The following MYRFL variants were observed in gnomAD, a reference collection of about 807,000 sequenced individuals.
MYRFL encodes the protein myelin regulatory factor-like protein.
MYRFL carries 88 observed loss-of-function variants against 109.4 expected under a neutral mutation model. That is an observed-to-expected ratio of 0.80 (90% confidence interval 0.68 to 0.96). The LOEUF (loss-of-function observed/expected upper bound fraction) is 0.96. Ranked by LOEUF, MYRFL falls within the 40% of genes least tolerant of loss-of-function variation. The pLI is 0.00. For missense variants in MYRFL, 957 were observed against 954.9 expected, an observed-to-expected ratio of 1.00 and a Z score of -0.03; for synonymous variants, 324 against 320.9, an observed-to-expected ratio of 1.01 and a Z score of -0.10.
intron 19 of MYRFL, among the ~76,000 whole-genome samples, chr12:69,948,400 G>C (rs11177989): frequency 0.24 from 36,917 of 152,010 alleles, 5,170 homozygotes; most frequent in East Asian, 0.48. Context: ...ATGTCTCCAG[G>C]ACCTGAAAAC....
intron 1 of MYRFL, among the ~76,000 whole-genome samples, chr12:69,828,708 C>T (rs549926922): frequency 2.0e-5 from 3 of 152,184 alleles, no homozygotes; most frequent in African/African-American, 7.2e-5. Context: ...TTACAACAAC[C>T]TTCTGGATGA....
At chr12:69,908,441 G>C (rs1034380428) in intron 11 of MYRFL, among the ~76,000 whole-genome samples, 3 of 152,188 alleles carry the variant, frequency 2.0e-5, no homozygotes, top group Non-Finnish European at 2.9e-5. Context: ...GAAGGGGAAG[G>C]CAGGGGAATG....
At chr12:69,946,792 G>A (rs1955850445) in intron 19 of MYRFL, 1 of 152,212 alleles carries the variant, frequency 6.6e-6, no homozygotes, top group Non-Finnish European at 1.5e-5. Context: ...CCTCAGTTGA[G>A]TTTCTAGAAA....
intron 19 of MYRFL, among the ~76,000 whole-genome samples, chr12:69,945,727 C>T (rs1256469105): frequency 3.3e-5 from 5 of 151,924 alleles, no homozygotes; most frequent in South Asian, 2.1e-4. Flanking sequence ...GTGGCTCACG[C>T]CTGTAATCCC....
chr12:69,849,553 G>A (rs1011078155), intron 1 of MYRFL, among the ~76,000 whole-genome samples: 1 of 152,172 alleles, frequency 6.6e-6, no homozygotes, highest in African/African-American at 2.4e-5. Flanking sequence ...TCACAATTGT[G>A]AAAATGGTAG....
At chr12:69,878,768 GC>G (rs1258822291) in intron 2 of MYRFL, among the ~76,000 whole-genome samples, 4 of 152,096 alleles carry the variant, frequency 2.6e-5, no homozygotes, top group Non-Finnish European at 5.9e-5. Context: ...GGAAATGGAG[GC>G]CTGGAGAGGT....
chr12:69,860,331 T>C (rs1443014292), intron 2 of MYRFL, among the ~76,000 whole-genome samples: 1 of 152,234 alleles, frequency 6.6e-6, no homozygotes, highest in Non-Finnish European at 1.5e-5. Context: ...TACCACACTT[T>C]CTTTATCCAT....
In MYRFL at chr12:69,851,138, C is replaced by T. The variant is rs1224097163; in HGVS notation, c.47-4142C>T. On this transcript the variant is annotated intron_variant, in intron 1 of 24. Transcript: ENST00000552032. The stretch of plus-strand genomic sequence containing the variant: ...AGGCAAACTAAAACTGAGGGACATC[C>T]TATAAACAACTAGCCTGTACTTTTT... Among the ~76,000 whole-genome samples the T allele has an allele frequency of 2.0e-5, 3 of 152,116 alleles. 1 individual carries two copies. Among genetic ancestry groups the T allele is most frequent in the South Asian group, 4.1e-4 (2 of 4,828 alleles).
intron 19 of MYRFL, among the ~76,000 whole-genome samples, chr12:69,941,992 C>T (rs1385613584): frequency 0.014 from 1,990 of 145,770 alleles, 29 homozygotes; most frequent in African/African-American, 0.052. Flanking sequence ...CAGGAAGAAG[C>T]TGAATCTCTG....
chr12:69,885,866 A>G (rs1886415757), intron 5 of MYRFL, among the ~76,000 whole-genome samples: 2 of 152,112 alleles, frequency 1.3e-5, no homozygotes, highest in Non-Finnish European at 2.9e-5. Flanking sequence ...CACTTCCATT[A>G]TGTCATTCTC....
intron 1 of MYRFL, among the ~76,000 whole-genome samples, chr12:69,851,564 A>T (rs1883876945): frequency 6.6e-6 from 1 of 152,238 alleles, no homozygotes; most frequent in Non-Finnish European, 1.5e-5. Flanking sequence ...AAGCTGGCAG[A>T]CAGTACTTTA....
At chr12:69,866,617 A>G (rs143087662) in intron 2 of MYRFL, among the ~76,000 whole-genome samples, 1 of 152,144 alleles carries the variant, frequency 6.6e-6, no homozygotes, top group Non-Finnish European at 1.5e-5. Context: ...CCCCTCTACC[A>G]TATTGCCTAC....
chr12:69,830,351 C>T (rs1263393441), intron 1 of MYRFL, among the ~76,000 whole-genome samples: 5 of 150,454 alleles, frequency 3.3e-5, no homozygotes, highest in African/African-American at 1.2e-4. Flanking sequence ...TTTGAAAGAG[C>T]TTTTATTTCT....
chr12:69,897,046 A>G, intron 9 of MYRFL, 110 bp from the exon 10 acceptor site: 1 of 763,516 alleles, frequency 1.3e-6, no homozygotes, highest in Non-Finnish European at 2.2e-6. Context: ...TTAAATAAGC[A>G]AACTCTTCTC....
chr12:69,877,712 T>G (rs1249521211), intron 2 of MYRFL, among the ~76,000 whole-genome samples: 3 of 152,176 alleles, frequency 2.0e-5, no homozygotes, highest in African/African-American at 7.2e-5. Context: ...AAAGAACTAA[T>G]TTGAGGAGAA....
At chr12:69,880,022 T>C (rs1411544235) in intron 4 of MYRFL, among the ~76,000 whole-genome samples, 179 bp from the exon 5 acceptor site, 12 of 152,218 alleles carry the variant, frequency 7.9e-5, no homozygotes, top group African/African-American at 2.9e-4. Context: ...TCTTTCAGGT[T>C]GGTGAATCTC....
intron 1 of MYRFL, among the ~76,000 whole-genome samples, chr12:69,827,179 T>G (rs1374046286): frequency 6.6e-6 from 1 of 152,022 alleles, no homozygotes; most frequent in African/African-American, 2.4e-5. Context: ...AGAAAAAAAT[T>G]TGACAATTTG....
At chr12:69,845,652 A>G (rs1202391625) in intron 1 of MYRFL, among the ~76,000 whole-genome samples, 1 of 152,206 alleles carries the variant, frequency 6.6e-6, no homozygotes, top group Non-Finnish European at 1.5e-5. Context: ...AGGGATAGAA[A>G]GCAGAACTAT....
At chr12:69,958,394 C>T in intron 24 of MYRFL, 51 bp from the exon 25 acceptor site, 1 of 1,510,102 alleles carries the variant, frequency 6.6e-7, no homozygotes, top group Non-Finnish European at 8.8e-7. Flanking sequence ...ACTTTAACCA[C>T]AGTTAATTTT....
Sources: gnomAD v4.1 joint callset for allele counts (sites outside exome capture counted in the v4.1 genomes callset) on GRCh38, gnomAD v4.1.1 for gene constraint, MANE v1.5 for transcripts, NCBI Gene and HGNC (gene_info 2026-07-23, HGNC 2026-07-21) for gene names.